The following RMDN2 variants were observed in gnomAD, a reference collection of about 807,000 sequenced individuals.
RMDN2 encodes the protein regulator of microtubule dynamics 2, also known as regulator of microtubule dynamics protein 2.
Under a neutral mutation model 52.8 loss-of-function variants are expected in RMDN2, and 61 were observed. The ratio of observed to expected loss-of-function variants is 1.16; its 90% confidence interval spans 0.94 to 1.43. The LOEUF (loss-of-function observed/expected upper bound fraction) is 1.43, where lower values mean the gene tolerates loss of function less well. Among genes scored for constraint, RMDN2 ranks in the 40% most tolerant of loss-of-function variants. The probability of loss-of-function intolerance (pLI) is 0.00; values close to 1 mark genes in which losing one functional copy is unlikely to be tolerated. For synonymous variants in RMDN2, 180 were observed against 153.1 expected (o/e 1.18, Z -1.30); for missense variants, 592 against 475.3 (o/e 1.25, Z -2.28).
At chr2:37,943,499 A>G (rs1163298790) in intron 2 of RMDN2, among the ~76,000 whole-genome samples, 2 of 152,224 alleles carry the variant, frequency 1.3e-5, no homozygotes, top group Non-Finnish European at 2.9e-5. Context: ...TTAATAATGC[A>G]TGTCTCATGT....
chr2:38,050,281 C>T (rs941726892), intron 10 of RMDN2, among the ~76,000 whole-genome samples: 2 of 151,932 alleles, frequency 1.3e-5, no homozygotes, highest in African/African-American at 4.8e-5. Context: ...TACCCTGCCT[C>T]ATCCTTTTCT....
At chr2:37,935,533 T>C (rs547044874) in intron 2 of RMDN2, among the ~76,000 whole-genome samples, 1 of 152,308 alleles carries the variant, frequency 6.6e-6, no homozygotes, top group African/African-American at 2.4e-5. Context: ...ACTTCTGATC[T>C]TTTAAAAAAT....
At chr2:37,962,195 T>G (rs1307073335) in intron 2 of RMDN2, among the ~76,000 whole-genome samples, 2 of 152,242 alleles carry the variant, frequency 1.3e-5, no homozygotes, top group Non-Finnish European at 2.9e-5. Flanking sequence ...GGAGGCAATC[T>G]GTCCCTTAGC....
downstream of RMDN2, among the ~76,000 whole-genome samples, chr2:38,021,309 A>T (rs971582208): frequency 6.6e-6 from 1 of 152,188 alleles, no homozygotes. Flanking sequence ...AAAATGGAGC[A>T]ATCAGCAGGA....
intron 2 of RMDN2, among the ~76,000 whole-genome samples, chr2:37,943,796 T>A (rs1309902259): frequency 6.6e-6 from 1 of 152,172 alleles, no homozygotes; most frequent in Non-Finnish European, 1.5e-5. Flanking sequence ...GAGTGTAGTC[T>A]TTTCCCCCTT....
At chr2:38,000,085 C>T (rs1676110830) in intron 8 of RMDN2, among the ~76,000 whole-genome samples, 1 of 152,158 alleles carries the variant, frequency 6.6e-6, no homozygotes, top group South Asian at 2.1e-4. Flanking sequence ...GCTATTATAG[C>T]AGGGGAAAAT....
chr2:37,922,015 T>A (rs1329737615), upstream of RMDN2, among the ~76,000 whole-genome samples: 1 of 152,224 alleles, frequency 6.6e-6, no homozygotes, highest in African/African-American at 2.4e-5. Flanking sequence ...GGGGACTTCT[T>A]CCTCTGCCCC....
intron 1 of RMDN2, among the ~76,000 whole-genome samples, 182 bp downstream of exon 1, chr2:37,925,607 C>T (rs1227769354): frequency 6.6e-6 from 1 of 152,204 alleles, no homozygotes; most frequent in East Asian, 1.9e-4. Context: ...GGAGCAGCGG[C>T]CCATAGTGGC....
intron 10 of RMDN2, among the ~76,000 whole-genome samples, chr2:38,066,359 A>C (rs1573266278): frequency 6.6e-6 from 1 of 152,248 alleles, no homozygotes; most frequent in Non-Finnish European, 1.5e-5. Flanking sequence ...TAGCGTGTCC[A>C]TACCTATGTA....
chr2:38,049,670 T>C (rs1265979772), intron 10 of RMDN2, among the ~76,000 whole-genome samples: 1 of 152,174 alleles, frequency 6.6e-6, no homozygotes, highest in Admixed American at 6.6e-5. Flanking sequence ...ACTCATGGGC[T>C]CAAGCAATCC....
chr2:37,959,081 G>T (rs149966814), intron 2 of RMDN2, among the ~76,000 whole-genome samples: 4 of 150,992 alleles, frequency 2.6e-5, no homozygotes, highest in Non-Finnish European at 5.9e-5. Context: ...TTTTTGCATC[G>T]ATCTTCATCA....
At chr2:38,014,379 T>G (rs1678447682) in intron 10 of RMDN2, among the ~76,000 whole-genome samples, 1 of 152,234 alleles carries the variant, frequency 6.6e-6, no homozygotes, top group Admixed American at 6.5e-5. Context: ...TATTATTTCT[T>G]AAGATTTTGC....
intron 7 of RMDN2, among the ~76,000 whole-genome samples, chr2:37,994,428 C>T (rs954918297): frequency 6.6e-6 from 1 of 152,112 alleles, no homozygotes; most frequent in African/African-American, 2.4e-5. Context: ...TATAACATTA[C>T]CTATGCTAAT....
At chr2:37,992,906 G>T (rs1365074342) in intron 7 of RMDN2, among the ~76,000 whole-genome samples, 1 of 151,700 alleles carries the variant, frequency 6.6e-6, no homozygotes, top group Non-Finnish European at 1.5e-5. Context: ...CAAGCAGTTT[G>T]TTTCTTTTTT....
rs145630212 is a variant in RMDN2 at position 38,031,410 on chromosome 2, A to G, written c.1713+27194A>G. Among the ~76,000 whole-genome samples the G allele has an allele frequency of 5.0e-3, 753 of 151,950 alleles. 5 individuals are homozygous for G. Among genetic ancestry groups the G allele is most frequent in the African/African-American group, 0.017 (704 of 41,428 alleles). On this transcript the variant is annotated intron_variant, in intron 10 of 10. Transcript: ENST00000234195. Reference sequence around the variant, plus strand: ...CACCTCAGCCTCCCCAGTAGCTGAAACTACAGGTCCCTTTCCCACCTCCCA... The same window carrying G: ...CACCTCAGCCTCCCCAGTAGCTGAAGCTACAGGTCCCTTTCCCACCTCCCA...
intron 10 of RMDN2, among the ~76,000 whole-genome samples, chr2:38,024,274 A>G (rs1194977146): frequency 1.3e-5 from 2 of 152,204 alleles, no homozygotes; most frequent in Admixed American, 6.5e-5. Context: ...TCGAATGTAC[A>G]TATACTTTCA....
At chr2:37,951,618 G>A (rs1164000548) in intron 2 of RMDN2, 7 of 1,613,286 alleles carry the variant, frequency 4.3e-6, no homozygotes, top group African/African-American at 1.3e-5. Context: ...ACTAAGTATA[G>A]TTTCCTATTA....
intron 10 of RMDN2, among the ~76,000 whole-genome samples, chr2:38,038,592 A>G (rs930040704): frequency 6.6e-6 from 1 of 152,164 alleles, no homozygotes; most frequent in African/African-American, 2.4e-5. Flanking sequence ...GCACTCTTTT[A>G]TAGTTGCTGA....
chr2:37,968,332 T>TG (rs35354870), intron 2 of RMDN2, among the ~76,000 whole-genome samples: 65,049 of 149,600 alleles, frequency 0.43, 15,392 homozygotes, highest in East Asian at 0.79. Context: ...AATCCCAGCT[T>TG]GGGGGGCTGA....
Sources: gnomAD v4.1 joint callset for allele counts (sites outside exome capture counted in the v4.1 genomes callset) on GRCh38, gnomAD v4.1.1 for gene constraint, MANE v1.5 for transcripts, NCBI Gene and HGNC (gene_info 2026-07-23, HGNC 2026-07-21) for gene names.